WDR19: variants seen among roughly 807,000 people sequenced by gnomAD.
WDR19 encodes WD repeat-containing protein 19.
WDR19 carries 121 observed loss-of-function variants against 180.0 expected under a neutral mutation model. The observed-to-expected ratio is 0.67, with a 90% CI of 0.58 to 0.78. The LOEUF (loss-of-function observed/expected upper bound fraction) is 0.78. Ranked by LOEUF, WDR19 falls within the 30% of genes least tolerant of loss-of-function variation. The pLI is 0.00. For synonymous variants in WDR19, 497 were observed against 540.7 expected (o/e 0.92, Z 1.12); for missense variants, 1,450 against 1,640.7 (o/e 0.88, Z 2.01).
rs780621466 is a variant in WDR19, at chr4:39,189,688, G to A, written c.197G>A (p.Gly66Glu). 1 of 1,607,692 alleles carries A rather than the reference G, an allele frequency of 6.2e-7. No individual in the cohort carries two copies. Among genetic ancestry groups the A allele is most frequent in the Non-Finnish European group, 8.5e-7 (1 of 1,177,554 alleles). The change falls in exon 4 of 37, where the codon GGA (glycine) becomes GAA (glutamate). Residue 66 changes from glycine to glutamate, a missense_variant. Physicochemically the swap from Gly to Glu is moderately conservative, Grantham distance 98. Transcript: ENST00000399820. ...NCVAMDWDKD[G>E]DVLAVIAEKS... ...GTTGCCATGGATTGGGATAAAGATG[G>A]AGATGTCCTAGCAGTGATTGCTGAG...
chr4:39,224,950 A>T lies in WDR19; in HGVS notation c.1546A>T (p.Ser516Cys). Residue 516 changes from serine (S) to cysteine (C), a missense_variant, in exon 15 of 37, where the codon AGT (serine) becomes TGT (cysteine). Coordinates refer to ENST00000399820, the MANE Select transcript of WDR19 (RefSeq NM_025132.4). The stretch of plus-strand genomic sequence containing the variant: ...CGTTAATGATTATCGACATCCTGTC[A>T]GTGTGAAAAAGATTTTTCCCGACCC... ...QFVNDYRHPV[S>C]VKKIFPDPNG... 6.3e-7 allele frequency: 1 copy of T among 1,581,790 alleles called. No individual in the cohort carries two copies. Among genetic ancestry groups the T allele is most frequent in the African/African-American group, 1.3e-5 (1 of 74,418 alleles).
In WDR19 at chr4:39,183,250, C is replaced by CTTTTTTTTTTTTTTTTT. The variant is rs113490249; in HGVS notation, c.6+691_6+707dup. ...TCTGCTCTGGCAAAGAAATGGAAGG[C>CTTTTTTTTTTTTTTTTT]TTTTTTTTTTTTTTTTTTTTACTGA... On this transcript the variant is annotated intron_variant, in intron 1 of 36. Coordinates refer to ENST00000399820, the MANE Select transcript of WDR19 (RefSeq NM_025132.4). Among the ~76,000 whole-genome samples, 502 of 79,232 alleles carry CTTTTTTTTTTTTTTTTT rather than the reference C, an allele frequency of 6.3e-3. 104 individuals carry two copies. Among genetic ancestry groups the CTTTTTTTTTTTTTTTTT allele is most frequent in the African/African-American group, 0.023 (470 of 20,058 alleles). 52.0% of individuals were successfully genotyped at this position (79,232 alleles called of 152,430 possible).
rs1241014613 is a variant in WDR19, at chr4:39,211,983, G to GAGAT, written c.891-2609_891-2606dup. Among the ~76,000 whole-genome samples, 98 of 144,580 alleles carry GAGAT rather than the reference G, an allele frequency of 6.8e-4. 2 individuals are homozygous for GAGAT. Among genetic ancestry groups the GAGAT allele is most frequent in the African/African-American group, 2.4e-3 (94 of 38,934 alleles). 94.9% of individuals were successfully genotyped at this position (144,580 alleles called of 152,430 possible). A position where few individuals can be genotyped will look rare whatever the true frequency, so the allele number is the denominator to read the frequency against. On this transcript the variant is annotated intron_variant, in intron 9 of 36. Coordinates refer to ENST00000399820, the MANE Select transcript of WDR19 (RefSeq NM_025132.4). ...AGAGAGAGAGAGAGAGAGAGAGAGA[G>GAGAT]AGATAGATAGATGTAGATAGGCACA...
intron 17 of WDR19, among the ~76,000 whole-genome samples, 169 bp from the exon 18 acceptor site, chr4:39,231,628 A>G (rs1730871873): frequency 6.6e-6 from 1 of 152,244 alleles, no homozygotes; most frequent in Non-Finnish European, 1.5e-5. Flanking sequence ...TCTGTAAAAA[A>G]AGGAAGAAAG....
At chr4:39,258,480 T>C (rs1404781292) in intron 28 of WDR19, among the ~76,000 whole-genome samples, 2 of 152,194 alleles carry the variant, frequency 1.3e-5, no homozygotes, top group Non-Finnish European at 2.9e-5. Flanking sequence ...TTCATTGCTG[T>C]GTAGTATTCT....
At chr4:39,218,188 G>A in intron 14 of WDR19, 83 bp downstream of exon 14, 1 of 1,472,786 alleles carries the variant, frequency 6.8e-7, no homozygotes, top group South Asian at 1.3e-5. Context: ...TTTCCTACCA[G>A]TCTTTTTTCT....
At chr4:39,248,987 C>G (rs964130844) in intron 24 of WDR19, among the ~76,000 whole-genome samples, 4 of 152,194 alleles carry the variant, frequency 2.6e-5, no homozygotes, top group African/African-American at 9.7e-5. Context: ...TTGAACTCAG[C>G]TCTGCACCAA....
chr4:39,223,434 G>C (rs1263370648), intron 14 of WDR19, among the ~76,000 whole-genome samples: 1 of 152,144 alleles, frequency 6.6e-6, no homozygotes, highest in African/African-American at 2.4e-5. Flanking sequence ...GGGTTCAAGA[G>C]GTTCTTCTGC....
rs1577943727 is a variant in WDR19 at position 39,231,873 on chromosome 4, C to T, written c.2059C>T (p.His687Tyr). 2 of 1,613,106 alleles carry T rather than the reference C, an allele frequency of 1.2e-6. No homozygotes were observed. The highest frequency in any genetic ancestry group is 8.5e-7 in the Non-Finnish European group (1 of 1,179,234). The change falls in exon 18 of 37, where the codon CAT (histidine) becomes TAT (tyrosine). Residue 687 changes from histidine (H) to tyrosine (Y), a missense_variant. Physicochemically the swap from His to Tyr is moderately conservative, Grantham distance 83. Coordinates refer to ENST00000399820, the MANE Select transcript of WDR19 (RefSeq NM_025132.4). ...GAATGAGTTGGCCAGAGCTTGTCTA[C>T]ATCACATGGAAGTGGAGTTTGCAAT... ...AWNELARACL[H>Y]HMEVEFAIRV...
At chr4:39,197,929 C>T (rs1726941257) in intron 5 of WDR19, among the ~76,000 whole-genome samples, 1 of 152,188 alleles carries the variant, frequency 6.6e-6, no homozygotes, top group Non-Finnish European at 1.5e-5. Flanking sequence ...GCCTCAATCT[C>T]CCAGGCTCAA....
intron 25 of WDR19, 128 bp downstream of exon 25, chr4:39,253,420 G>A (rs73136747): frequency 1.3e-4 from 145 of 1,102,086 alleles, no homozygotes; most frequent in Middle Eastern, 1.3e-3. Context: ...AGGTCTAAGC[G>A]TTTAAATTCA....
At chr4:39,205,434 C>G in intron 8 of WDR19, 129 bp from the exon 9 acceptor site, 9 of 1,229,572 alleles carry the variant, frequency 7.3e-6, no homozygotes, top group Non-Finnish European at 1.0e-5. Context: ...AGTATATTAT[C>G]TGACACAAAG....
chr4:39,233,093 G>A (rs1731044014), intron 19 of WDR19, among the ~76,000 whole-genome samples: 1 of 152,110 alleles, frequency 6.6e-6, no homozygotes, highest in Non-Finnish European at 1.5e-5. Flanking sequence ...ACAATCCTAT[G>A]AGATAGGATT....
At chr4:39,275,900 C>T (rs1346858474) in intron 33 of WDR19, among the ~76,000 whole-genome samples, 6 of 152,298 alleles carry the variant, frequency 3.9e-5, no homozygotes, top group East Asian at 1.9e-4. Flanking sequence ...TCCTGTGCAG[C>T]CCCAAAAGCC....
At chr4:39,206,830 C>T (rs1017569986) in intron 9 of WDR19, among the ~76,000 whole-genome samples, 7 of 152,170 alleles carry the variant, frequency 4.6e-5, no homozygotes, top group African/African-American at 1.2e-4. Flanking sequence ...ACATTGAAAC[C>T]GTCAGCTACA....
At chr4:39,184,350 C>T in intron 1 of WDR19, among the ~76,000 whole-genome samples, 1 of 149,262 alleles carries the variant, frequency 6.7e-6, no homozygotes, top group African/African-American at 2.4e-5. Context: ...GCGGAGGTTG[C>T]AGTGAGCCAA....
At chr4:39,231,036 G>T (rs1028842392) in intron 17 of WDR19, among the ~76,000 whole-genome samples, 1 of 152,130 alleles carries the variant, frequency 6.6e-6, no homozygotes, top group African/African-American at 2.4e-5. Context: ...GCTGGGCCGG[G>T]GACGGTGGCT....
rs1204908123 is a variant in WDR19, at chr4:39,240,261, CTTATT to C, written c.2364-13_2364-9del. 1.9e-5 allele frequency: 23 copies of C among 1,230,524 alleles called. No individual in the cohort carries two copies. The highest frequency in any genetic ancestry group is 2.3e-5 in the Non-Finnish European group (22 of 961,150). 76.2% of individuals were successfully genotyped at this position (1,230,524 alleles called of 1,614,324 possible). A position where few individuals can be genotyped will look rare whatever the true frequency, so the allele number is the denominator to read the frequency against. ...TATATTAAAATTATTAAAATTCACT[CTTATT>C]TTTTTTTCAGGGGTGATTATGTAAA... On this transcript the variant is annotated splice_polypyrimidine_tract_variant and intron_variant, in intron 20 of 36. Coordinates refer to ENST00000399820, the MANE Select transcript of WDR19 (RefSeq NM_025132.4).
intron 36 of WDR19, among the ~76,000 whole-genome samples, chr4:39,285,089 A>C (rs895412203): frequency 3.2e-4 from 46 of 142,456 alleles, no homozygotes; most frequent in Non-Finnish European, 5.4e-4. Flanking sequence ...GACACACACA[A>C]AGTCACTGTA....
Sources: gnomAD v4.1 joint callset for allele counts (sites outside exome capture counted in the v4.1 genomes callset) on GRCh38, gnomAD v4.1.1 for gene constraint, MANE v1.5 for transcripts, NCBI Gene and HGNC (gene_info 2026-07-23, HGNC 2026-07-21) for gene names.